SLC6A3: variants seen among roughly 807,000 people sequenced by gnomAD.
SLC6A3 encodes the protein solute carrier family 6 member 3.
SLC6A3 carries 19 observed loss-of-function variants against 70.4 expected under a neutral mutation model. The ratio of observed to expected loss-of-function variants is 0.27; its 90% CI spans 0.19 to 0.40. The LOEUF is 0.40. Ranked by LOEUF, SLC6A3 falls within the 10% of genes least tolerant of loss-of-function variation. The pLI is 1.00. For missense variants in SLC6A3, 613 were observed against 838.5 expected (o/e 0.73, Z 3.32); for synonymous variants, 368 against 356.6 (o/e 1.03, Z -0.36).
chr5:1,415,351 T>G (rs541369948), intron 7 of SLC6A3, among the ~76,000 whole-genome samples: 1 of 152,248 alleles, frequency 6.6e-6, no homozygotes, highest in East Asian at 1.9e-4. Flanking sequence ...CCTGGGTTCC[T>G]GTGTGGCCTG....
At chr5:1,431,333 G>C (rs1052451472) in intron 4 of SLC6A3, among the ~76,000 whole-genome samples, 4 of 152,252 alleles carry the variant, frequency 2.6e-5, no homozygotes, top group African/African-American at 7.2e-5. Context: ...GAGACATCGG[G>C]GTCCAGGAAA....
intron 4 of SLC6A3, 115 bp downstream of exon 4, chr5:1,432,349 A>T (rs1047855329): frequency 5.2e-6 from 4 of 763,788 alleles, no homozygotes; most frequent in Non-Finnish European, 9.2e-6. Context: ...GCAGGAACAG[A>T]TTCCCCCTCC....
chr5:1,414,645 G>A (rs375470100), intron 8 of SLC6A3, 46 bp downstream of exon 8: 611 of 1,606,888 alleles, frequency 3.8e-4, no homozygotes, highest in Non-Finnish European at 4.4e-4. Flanking sequence ...AGAGCTCGGC[G>A]CTGGTGCTAC....
intron 6 of SLC6A3, among the ~76,000 whole-genome samples, chr5:1,418,489 G>A (rs969188542): frequency 6.6e-6 from 1 of 152,008 alleles, no homozygotes; most frequent in Non-Finnish European, 1.5e-5. Flanking sequence ...TCTATCAACT[G>A]TCTATCATCT....
At chr5:1,423,502 G>A (rs915548017) in intron 4 of SLC6A3, among the ~76,000 whole-genome samples, 1 of 152,258 alleles carries the variant, frequency 6.6e-6, no homozygotes, top group African/African-American at 2.4e-5. Flanking sequence ...CCTGCTCACA[G>A]CCCCTGCTGC....
At chr5:1,434,975 C>T (rs937750014) in intron 3 of SLC6A3, among the ~76,000 whole-genome samples, 1 of 152,202 alleles carries the variant, frequency 6.6e-6, no homozygotes, top group African/African-American at 2.4e-5. Flanking sequence ...CAAGCTGCTG[C>T]CTTTGGAAGG....
At chr5:1,409,146 TG>T in intron 10 of SLC6A3, 21 bp from the exon 11 acceptor site, 1 of 1,564,890 alleles carries the variant, frequency 6.4e-7, no homozygotes, top group Non-Finnish European at 8.7e-7. Flanking sequence ...GGGGAGCCTG[TG>T]GACCTACAGA....
intron 3 of SLC6A3, among the ~76,000 whole-genome samples, chr5:1,439,205 G>C (rs965577623): frequency 6.6e-6 from 1 of 152,038 alleles, no homozygotes. Flanking sequence ...GGGGACGGAG[G>C]CATGTTCTGA....
At chr5:1,440,274 T>A (rs1269207598) in intron 3 of SLC6A3, among the ~76,000 whole-genome samples, 1 of 151,942 alleles carries the variant, frequency 6.6e-6, no homozygotes. Context: ...CATAGATAGA[T>A]GAATGGATGA....
chr5:1,404,726 G>A lies in SLC6A3; in HGVS notation c.1599+1462C>T, dbSNP rs921736919. ...ATCAGAACTTCATAGGAATTGTGCT[G>A]TCATATTAAATACAAAATGACATAG... is the stretch of plus-strand genomic sequence containing the variant. On this transcript the variant is annotated intron_variant, in intron 12 of 14. Transcript: ENST00000270349. The surrounding 1 kb of genome is among the most constrained non-coding windows in gnomAD (Gnocchi z 5.2). Among the ~76,000 whole-genome samples the A allele has an allele frequency of 6.6e-6, 1 of 152,228 alleles. No homozygotes were observed. The highest frequency in any genetic ancestry group is 1.5e-5 in the Non-Finnish European group (1 of 68,048).
rs1264863990 is a variant in SLC6A3 at position 1,401,195 on chromosome 5, G to A, written c.1768-209C>T. The A allele has an allele frequency of 2.9e-6, 2 of 699,716 alleles. No homozygotes were observed. Among genetic ancestry groups the A allele is most frequent in the Non-Finnish European group, 5.2e-6 (2 of 383,270 alleles). 43.3% of individuals were successfully genotyped at this position (699,716 alleles called of 1,614,324 possible). On this transcript the variant is annotated intron_variant, in intron 13 of 14. Transcript: ENST00000270349. The surrounding 1 kb of genome is among the most constrained non-coding windows in gnomAD (Gnocchi z 6.1). ...CCCATGCCGACCAGACAGCCAGTCA[G>A]GCCCGAAGCCAACATCCTGACGGTC...
rs8179025 is a variant in SLC6A3 at position 1,432,436 on chromosome 5, C to T, written c.653+28G>A. On this transcript the variant is annotated intron_variant, in intron 4 of 14. Transcript: ENST00000270349. ...GGGGACCTGGCTGCGCCATCTCTCC[C>T]GTTCCCGAGGACCCGACTCCCACTT... 247 of 1,562,436 alleles carry T rather than the reference C, an allele frequency of 1.6e-4. 1 individual carries two copies. The East Asian group carries it at 3.4e-3, about 21-fold the overall frequency.
rs543240472 is a variant in SLC6A3, at chr5:1,441,230, G to A, written c.418+129C>T. The A allele has an allele frequency of 1.3e-4, 140 of 1,094,330 alleles. 1 individual carries two copies. The highest frequency in any genetic ancestry group is 2.0e-4 in the African/African-American group (13 of 64,890). 67.8% of individuals were successfully genotyped at this position (1,094,330 alleles called of 1,614,324 possible). On this transcript the variant is annotated intron_variant, in intron 3 of 14. Transcript: ENST00000270349. ...AAGGTGGGACCCAAGTTCAAGTGGC[G>A]TGTGCCATGCCTGTGTCTTAGCAAA... is the stretch of plus-strand genomic sequence containing the variant.
At chr5:1,403,149 G>A (rs1356739826) in intron 12 of SLC6A3, 60 bp from the exon 13 acceptor site, 3 of 1,579,498 alleles carry the variant, frequency 1.9e-6, no homozygotes, top group East Asian at 4.6e-5. Flanking sequence ...GGACAAAGCA[G>A]GGAGCGGGCA....
At position 1,393,175 on chromosome 5, in the gene SLC6A3, A is replaced by C. The variant is rs1755621739; in HGVS notation, c.*1560T>G. 6.6e-6 allele frequency: 1 copy of C among 151,996 alleles called. No individual in the cohort carries two copies. The highest frequency in any genetic ancestry group is 2.4e-5 in the African/African-American group (1 of 41,368). 9.4% of individuals were successfully genotyped at this position (151,996 alleles called of 1,614,324 possible). On this transcript the variant is annotated 3_prime_UTR_variant, in exon 15 of 15. Transcript: ENST00000270349. The stretch of plus-strand genomic sequence containing the variant: ...ACTCCAGTCCCTGGAGCCCACGTCC[A>C]CTTGCAGGGGACAGCCATGACTGGC...
Position 1,406,627 on chromosome 5 carries a change from A to T in SLC6A3, c.1499-339T>A, listed in dbSNP as rs183587530. 3.7e-4 allele frequency among the ~76,000 whole-genome samples: 55 copies of T among 149,400 alleles called. No homozygotes were observed. The highest frequency in any genetic ancestry group is 3.6e-3 in the Admixed American group (54 of 15,010). ...TGCTGCTGGTACTTCTTGTTCACTT[A>T]AAAAGATTATGGTAAAATACACATA... On this transcript the variant is annotated intron_variant, in intron 11 of 14. Transcript: ENST00000270349. The surrounding 1 kb of genome is among the most constrained non-coding windows in gnomAD (Gnocchi z 8.8).
chr5:1,419,758 C>T (rs997087419), intron 6 of SLC6A3, among the ~76,000 whole-genome samples: 1 of 152,106 alleles, frequency 6.6e-6, no homozygotes, highest in Non-Finnish European at 1.5e-5. Context: ...CTCCACAGGG[C>T]TTCCCCTTCA....
At position 1,405,691 on chromosome 5, in the gene SLC6A3, C is replaced by T. The variant is rs11564764; in HGVS notation, c.1599+497G>A. On this transcript the variant is annotated intron_variant, in intron 12 of 14. Transcript: ENST00000270349. The surrounding 1 kb of genome is among the most constrained non-coding windows in gnomAD (Gnocchi z 5.3). ...CGGCCTTGCCCGGTGGGCCCTGACT[C>T]GGTGGCGGATGACAGAAGCAAGTGC... 0.055 allele frequency among the ~76,000 whole-genome samples: 8,332 copies of T among 152,346 alleles called. 262 individuals carry two copies. Among genetic ancestry groups the T allele is most frequent in the Non-Finnish European group, 0.063 (4,302 of 68,020 alleles).
Position 1,406,328 on chromosome 5 carries a change from C to A in SLC6A3, c.1499-40G>T, listed in dbSNP as rs767874799. Reference sequence around the variant, plus strand: ...GTGGCATCAGTGTCCATCAGGGCAGCGCATTCCCCCGATGCTGGACACGTG... The same window carrying A: ...GTGGCATCAGTGTCCATCAGGGCAGAGCATTCCCCCGATGCTGGACACGTG... On this transcript the variant is annotated intron_variant, in intron 11 of 14. Transcript: ENST00000270349. The surrounding 1 kb of genome is among the most constrained non-coding windows in gnomAD (Gnocchi z 8.8). 1.3e-6 allele frequency: 2 copies of A among 1,514,852 alleles called. No individual in the cohort carries two copies. Among genetic ancestry groups the A allele is most frequent in the Non-Finnish European group, 1.8e-6 (2 of 1,090,672 alleles). 93.8% of individuals were successfully genotyped at this position (1,514,852 alleles called of 1,614,324 possible).
Sources: allele counts gnomAD v4.1 joint callset (sites outside exome capture counted in the v4.1 genomes callset), GRCh38; gene constraint gnomAD v4.1.1; non-coding constraint Gnocchi (gnomAD v3.1); transcripts MANE v1.5; gene names NCBI Gene and HGNC (gene_info 2026-07-23, HGNC 2026-07-21).